Variants in MRPS23 observed in about 807,000 individuals in gnomAD.
The protein encoded by MRPS23 is mitochondrial ribosomal protein S23.
In MRPS23, 14 loss-of-function variants were observed where a neutral mutation model predicts 19.8. The observed-to-expected ratio is 0.71, with a 90% CI of 0.47 to 1.11. The LOEUF (loss-of-function observed/expected upper bound fraction) is 1.11, where lower values mean the gene tolerates loss of function less well. Among genes scored for constraint, MRPS23 ranks in the 50% least tolerant of loss-of-function variants. The probability of loss-of-function intolerance (pLI) is 0.00; values close to 1 mark genes in which losing one functional copy is unlikely to be tolerated. For missense variants in MRPS23, 242 were observed against 236.7 expected (o/e 1.02, Z -0.15); for synonymous variants, 113 against 89.7 (o/e 1.26, Z -1.47).
intron 2 of MRPS23, among the ~76,000 whole-genome samples, chr17:57,845,913 A>G (rs1410465456): frequency 6.6e-6 from 1 of 152,240 alleles, no homozygotes; most frequent in Non-Finnish European, 1.5e-5. Flanking sequence ...TGCCTGGCCC[A>G]TGACAGTGCT....
chr17:57,849,753 A>AT, intron 1 of MRPS23: 1 of 642,504 alleles, frequency 1.6e-6, no homozygotes, highest in Non-Finnish European at 2.6e-6. Context: ...CAGCTGCAAT[A>AT]ATCTTTAACA....
chr17:57,840,342 G>A (rs985843573), intron 4 of MRPS23, among the ~76,000 whole-genome samples: 2 of 151,104 alleles, frequency 1.3e-5, no homozygotes, highest in Non-Finnish European at 2.9e-5. Context: ...AGCCAAGACT[G>A]CGCCACTGCA....
chr17:57,848,423 G>A (rs1420353507), intron 2 of MRPS23, among the ~76,000 whole-genome samples: 3 of 152,012 alleles, frequency 2.0e-5, no homozygotes, highest in African/African-American at 7.2e-5. Flanking sequence ...CGCCCAGGCT[G>A]GAGTGCAGTG....
intron 2 of MRPS23, among the ~76,000 whole-genome samples, chr17:57,846,184 C>G (rs2073772493): frequency 6.6e-6 from 1 of 151,234 alleles, no homozygotes; most frequent in African/African-American, 2.4e-5. Flanking sequence ...GCTCCGCCAG[C>G]CGCCCCGTCC....
intron 1 of MRPS23, 183 bp downstream of exon 1, chr17:57,849,784 A>T: frequency 1.5e-6 from 1 of 689,118 alleles, no homozygotes; most frequent in Non-Finnish European, 2.4e-6. Flanking sequence ...ATTCAAGGAG[A>T]GGCATCCTCA....
At chr17:57,840,756 A>C (rs1223438552) in intron 4 of MRPS23, 170 bp downstream of exon 4, 1 of 628,942 alleles carries the variant, frequency 1.6e-6, no homozygotes, top group African/African-American at 1.9e-5. Context: ...AGAGATGATT[A>C]AAGTATATGG....
rs961383212 is a variant in MRPS23 at position 57,836,413 on chromosome 17, G to C, written c.*3370C>G. ...GGACTTGATATTATGTATTTTCCGAGCACAGACAGCATTTGAAAACGGCAC... is the reference window on the plus strand; with the variant it reads ...GGACTTGATATTATGTATTTTCCGACCACAGACAGCATTTGAAAACGGCAC... On this transcript the variant is annotated 3_prime_UTR_variant, in exon 5 of 5. Coordinates refer to ENST00000313608, the MANE Select transcript of MRPS23 (RefSeq NM_016070.4). 1.3e-5 allele frequency: 2 copies of C among 152,156 alleles called. No individual in the cohort carries two copies. The highest frequency in any genetic ancestry group is 2.9e-5 in the Non-Finnish European group (2 of 68,046). The allele number at this position is 152,156 out of a possible 1,614,324, so 9.4% of individuals were successfully genotyped here.
Position 57,838,838 on chromosome 17 carries a change from A to G in MRPS23, c.*945T>C, listed in dbSNP as rs1417501170. On this transcript the variant is annotated 3_prime_UTR_variant, in exon 5 of 5. Transcript: ENST00000313608. ...AAGAATCACTGGGTAGAAAATCTAC[A>G]TGAGTTTTAAAATAGGGAATTTCTG... is the stretch of plus-strand genomic sequence containing the variant. 6.6e-6 allele frequency: 1 copy of G among 152,288 alleles called. No individual in the cohort carries two copies. Among genetic ancestry groups the G allele is most frequent in the East Asian group, 1.9e-4 (1 of 5,206 alleles). 9.4% of individuals were successfully genotyped at this position (152,288 alleles called of 1,614,324 possible).
At chr17:57,842,604 T>C (rs917726038) in intron 2 of MRPS23, among the ~76,000 whole-genome samples, 1 of 152,212 alleles carries the variant, frequency 6.6e-6, no homozygotes, top group African/African-American at 2.4e-5. Flanking sequence ...GTGGTACTAC[T>C]GGATCAAGGT....
intron 4 of MRPS23, 151 bp downstream of exon 4, chr17:57,840,775 G>T: frequency 1.2e-6 from 1 of 857,712 alleles, no homozygotes; most frequent in African/African-American, 1.7e-5. Context: ...GGGAGGATAT[G>T]TGTAGGTTAT....
intron 2 of MRPS23, 135 bp from the exon 3 acceptor site, chr17:57,841,395 G>C (rs2073739109): frequency 1.2e-6 from 1 of 865,576 alleles, no homozygotes; most frequent in South Asian, 1.8e-5. Flanking sequence ...AAGCTGAACA[G>C]TTTTGTTTTT....
chr17:57,848,995 G>A lies in MRPS23; in HGVS notation c.215+245C>T, dbSNP rs2073794171. 11 of 524,658 alleles carry A rather than the reference G, an allele frequency of 2.1e-5. No individual in the cohort carries two copies. In the South Asian group the frequency reaches 2.7e-4, roughly 13 times the overall value. The allele number at this position is 524,658 out of a possible 1,614,324, so 32.5% of individuals were successfully genotyped here. A position where few individuals can be genotyped will look rare whatever the true frequency, so the allele number is the denominator to read the frequency against. On this transcript the variant is annotated intron_variant, in intron 2 of 4. Coordinates refer to ENST00000313608, the MANE Select transcript of MRPS23 (RefSeq NM_016070.4). Reference sequence around the variant, plus strand: ...AGCTTAGTACAGTGCCTGGCCCAAAGCAGATGCCCAGAAACATGCGGCTAT... The same window carrying A: ...AGCTTAGTACAGTGCCTGGCCCAAAACAGATGCCCAGAAACATGCGGCTAT...
chr17:57,844,868 C>G lies in MRPS23; in HGVS notation c.216-3608G>C, dbSNP rs184867000. Reference sequence around the variant, plus strand: ...TTTATCATCCAGTCCAAATCTACAGCAGAAGCACAAATGATTTTTTAAATT... The same window carrying G: ...TTTATCATCCAGTCCAAATCTACAGGAGAAGCACAAATGATTTTTTAAATT... On this transcript the variant is annotated intron_variant, in intron 2 of 4. Coordinates refer to ENST00000313608, the MANE Select transcript of MRPS23 (RefSeq NM_016070.4). Among the ~76,000 whole-genome samples the G allele has an allele frequency of 1.1e-3, 167 of 151,792 alleles. 2 individuals are homozygous for G. Among genetic ancestry groups the G allele is most frequent in the Non-Finnish European group, 7.4e-4 (50 of 67,958 alleles).
rs1240723262 is a variant in MRPS23 at position 57,849,234 on chromosome 17, A to G, written c.215+6T>C. ...CCTCCTGTCCACTACAGGGCTGAGC[A>G]CTCACGCTCTAATCCGATCCTCGTG... On this transcript the variant is annotated splice_donor_region_variant and intron_variant, in intron 2 of 4. Coordinates refer to ENST00000313608, the MANE Select transcript of MRPS23 (RefSeq NM_016070.4). 1 of 1,613,898 alleles carries G rather than the reference A, an allele frequency of 6.2e-7. No homozygotes were observed. Among genetic ancestry groups the G allele is most frequent in the Admixed American group, 1.7e-5 (1 of 60,000 alleles).
At chr17:57,844,908 T>C (rs1042413876) in intron 2 of MRPS23, among the ~76,000 whole-genome samples, 2 of 152,084 alleles carry the variant, frequency 1.3e-5, no homozygotes, top group Admixed American at 6.6e-5. Context: ...ATTTATTTAT[T>C]TATTTTTGAG....
chr17:57,841,275 C>T lies in MRPS23; in HGVS notation c.216-15G>A. Reference sequence around the variant, plus strand: ...AATAAAACTTCCTAGAAAATGCAAACAACATAATATAAATCTCCGATTATA... The same window carrying T: ...AATAAAACTTCCTAGAAAATGCAAATAACATAATATAAATCTCCGATTATA... On this transcript the variant is annotated splice_polypyrimidine_tract_variant and intron_variant, in intron 2 of 4. Transcript: ENST00000313608. 6.2e-7 allele frequency: 1 copy of T among 1,608,628 alleles called. No homozygotes were observed. Among genetic ancestry groups the T allele is most frequent in the Non-Finnish European group, 8.5e-7 (1 of 1,176,156 alleles).
At chr17:57,847,765 C>T (rs1359886843) in intron 2 of MRPS23, among the ~76,000 whole-genome samples, 1 of 150,754 alleles carries the variant, frequency 6.6e-6, no homozygotes, top group Non-Finnish European at 1.5e-5. Context: ...GGTGCACTCT[C>T]AGCTCACTGC....
Position 57,838,279 on chromosome 17 carries a change from T to G in MRPS23, c.*1504A>C, listed in dbSNP as rs2073718472. The G allele has an allele frequency of 2.1e-5, 1 of 47,426 alleles. No individual in the cohort carries two copies. The highest frequency in any genetic ancestry group is 8.3e-5 in the African/African-American group (1 of 11,994). The allele number at this position is 47,426 out of a possible 1,614,324, so 2.9% of individuals were successfully genotyped here. ...TACTCCAGCCTGGGAAACAAAGTGATACTCCATCGCAAAAAAAAAAAAAAA... is the reference window on the plus strand; with the variant it reads ...TACTCCAGCCTGGGAAACAAAGTGAGACTCCATCGCAAAAAAAAAAAAAAA... On this transcript the variant is annotated 3_prime_UTR_variant, in exon 5 of 5. Coordinates refer to ENST00000313608, the MANE Select transcript of MRPS23 (RefSeq NM_016070.4).
intron 1 of MRPS23, 72 bp downstream of exon 1, chr17:57,849,895 G>A: frequency 6.6e-7 from 1 of 1,523,002 alleles, no homozygotes; most frequent in African/African-American, 1.4e-5. Context: ...CCGCTCCAAG[G>A]AAGAGCGTGA....
Sources: allele counts gnomAD v4.1 joint callset (sites outside exome capture counted in the v4.1 genomes callset), GRCh38; gene constraint gnomAD v4.1.1; transcripts MANE v1.5; gene names NCBI Gene and HGNC (gene_info 2026-07-23, HGNC 2026-07-21).